Variants in ADCY10 observed in about 807,000 individuals in gnomAD.
ADCY10 encodes adenylate cyclase 10, also known as adenylate cyclase type 10.
In ADCY10, 156 loss-of-function variants were observed where a neutral mutation model predicts 183.3. The ratio of observed to expected loss-of-function variants is 0.85; its 90% CI spans 0.75 to 0.97. The LOEUF is 0.97. Among genes scored for constraint, ADCY10 ranks in the 50% least tolerant of loss-of-function variants. ADCY10 has a pLI of 0.00. For missense variants in ADCY10, 1,745 were observed against 1,934.3 expected, an observed-to-expected ratio of 0.90 and a Z score of 1.84; for synonymous variants, 645 against 670.0, an observed-to-expected ratio of 0.96 and a Z score of 0.58.
chr1:167,884,480 G>A (rs1668083587), intron 8 of ADCY10, among the ~76,000 whole-genome samples: 1 of 152,082 alleles, frequency 6.6e-6, no homozygotes, highest in Admixed American at 6.6e-5. Flanking sequence ...TTCAACATGA[G>A]ATTTGGGAGG....
At position 167,837,234 on chromosome 1, in the gene ADCY10, G is replaced by A; in HGVS notation, c.3077+15C>T. 2 of 1,596,848 alleles carry A rather than the reference G, an allele frequency of 1.3e-6. No individual in the cohort carries two copies. The highest frequency in any genetic ancestry group is 1.7e-4 in the Middle Eastern group (1 of 6,032). On this transcript the variant is annotated intron_variant, in intron 22 of 32. Transcript: ENST00000367851. ...ATTTATGCTCTACTTCCTAAACAAT[G>A]ATATATGCCTCTACCTGCGATTTTC...
chr1:167,862,510 G>A (rs1666357589), intron 14 of ADCY10, among the ~76,000 whole-genome samples: 1 of 152,132 alleles, frequency 6.6e-6, no homozygotes, highest in African/African-American at 2.4e-5. Flanking sequence ...ATGGTCCAGA[G>A]AAGAAAAGAT....
chr1:167,905,119 A>T lies in ADCY10; in HGVS notation c.22T>A (p.Phe8Ile), dbSNP rs749029890. 1.2e-6 allele frequency: 2 copies of T among 1,614,202 alleles called. No individual in the cohort carries two copies. Among genetic ancestry groups the T allele is most frequent in the South Asian group, 2.2e-5 (2 of 91,084 alleles). Residue 8 changes from phenylalanine to isoleucine, a missense_variant, in exon 2 of 33, where the codon TTC (phenylalanine) becomes ATC (isoleucine). Physicochemically the swap from Phe to Ile is conservative, Grantham distance 21. Coordinates refer to ENST00000367851, the MANE Select transcript of ADCY10 (RefSeq NM_018417.6). Reference sequence around the variant, plus strand: ...ATTCTGACTATGGGCCAGTCCTGGAATTCTTCTTTTGGAGTGTTCATGTTC... The same window carrying T: ...ATTCTGACTATGGGCCAGTCCTGGATTTCTTCTTTTGGAGTGTTCATGTTC... MNTPKEE[F>I]QDWPIVRIAA...
chr1:167,846,368 G>T, intron 19 of ADCY10, 105 bp from the exon 20 acceptor site: 3 of 1,429,504 alleles, frequency 2.1e-6, no homozygotes, highest in Non-Finnish European at 2.9e-6. Context: ...TACAGTTCTT[G>T]TTGCAAGAAA....
At chr1:167,853,930 C>T (rs1665692679) in intron 18 of ADCY10, among the ~76,000 whole-genome samples, 2 of 148,706 alleles carry the variant, frequency 1.3e-5, no homozygotes, top group African/African-American at 5.0e-5. Context: ...CCTCCACCTC[C>T]CAGGCTCAAG....
At chr1:167,840,410 G>A (rs772169260) in intron 21 of ADCY10, among the ~76,000 whole-genome samples, 25 of 149,542 alleles carry the variant, frequency 1.7e-4, no homozygotes, top group African/African-American at 3.2e-4. Flanking sequence ...AGGCTGGAGC[G>A]CAGTGGTGCA....
intron 6 of ADCY10, 27 bp downstream of exon 6, chr1:167,899,396 T>C: frequency 6.2e-7 from 1 of 1,612,284 alleles, no homozygotes; most frequent in Non-Finnish European, 8.5e-7. Flanking sequence ...TGGCAGAACT[T>C]TCTGTAAGTA....
chr1:167,826,030 G>A (rs568766936), intron 26 of ADCY10, among the ~76,000 whole-genome samples: 3 of 152,240 alleles, frequency 2.0e-5, no homozygotes, highest in Non-Finnish European at 4.4e-5. Flanking sequence ...TATTGGGGTC[G>A]GGGAAGTGTT....
intron 30 of ADCY10, chr1:167,820,093 T>C: frequency 6.4e-7 from 1 of 1,571,750 alleles, no homozygotes; most frequent in East Asian, 2.3e-5. Context: ...TGGCTATGGT[T>C]GTCCTGACAT....
rs895436386 is a variant in ADCY10, at chr1:167,914,055, G to A, written c.-138C>T. 1 of 152,298 alleles carries A rather than the reference G, an allele frequency of 6.6e-6. No individual in the cohort carries two copies. Among genetic ancestry groups the A allele is most frequent in the Non-Finnish European group, 1.5e-5 (1 of 68,108 alleles). 9.4% of individuals were successfully genotyped at this position (152,298 alleles called of 1,614,324 possible). A position where few individuals can be genotyped will look rare whatever the true frequency, so the allele number is the denominator to read the frequency against. On this transcript the variant is annotated 5_prime_UTR_variant, in exon 1 of 33. Coordinates refer to ENST00000367851, the MANE Select transcript of ADCY10 (RefSeq NM_018417.6). ...TTTAAGACTGCAGAAGACAGGAGAG[G>A]AGGCCGGGTGACATTATTCTGAAGA...
intron 25 of ADCY10, 35 bp from the exon 26 acceptor site, chr1:167,829,458 AG>A (rs761488397): frequency 6.2e-7 from 1 of 1,613,300 alleles, no homozygotes; most frequent in Non-Finnish European, 8.5e-7. Context: ...GGAACATGAA[AG>A]GTATCATCAT....
chr1:167,874,998 T>G, intron 13 of ADCY10, 133 bp downstream of exon 13: 1 of 845,406 alleles, frequency 1.2e-6, no homozygotes, highest in Non-Finnish European at 2.0e-6. Flanking sequence ...ATTTTTCTAT[T>G]TCTTAACCTG....
chr1:167,819,381 G>A (rs139740695), intron 30 of ADCY10, among the ~76,000 whole-genome samples: 7 of 151,494 alleles, frequency 4.6e-5, no homozygotes, highest in African/African-American at 1.7e-4. Flanking sequence ...GGGATTACAG[G>A]CGCCTGCCAT....
chr1:167,830,609 G>C (rs1663649873), intron 25 of ADCY10, among the ~76,000 whole-genome samples: 1 of 152,130 alleles, frequency 6.6e-6, no homozygotes, highest in Non-Finnish European at 1.5e-5. Context: ...GGCCAGGCTG[G>C]TCCTGAACCC....
rs1341409648 is a variant in ADCY10, at chr1:167,833,220, T to C, written c.3418-58A>G. On this transcript the variant is annotated intron_variant, in intron 24 of 32. Coordinates refer to ENST00000367851, the MANE Select transcript of ADCY10 (RefSeq NM_018417.6). ...AGGAAAACGATGATTCTAACTTAAT[T>C]AGTAGGTCCCAACAATCCATATTTT... 6.7e-6 allele frequency: 10 copies of C among 1,492,676 alleles called. No homozygotes were observed. In the Admixed American group the frequency reaches 1.5e-4, roughly 22 times the overall value. 92.5% of individuals were successfully genotyped at this position (1,492,676 alleles called of 1,614,324 possible).
chr1:167,843,051 CTGA>C (rs1470641585), intron 21 of ADCY10, among the ~76,000 whole-genome samples: 1 of 152,122 alleles, frequency 6.6e-6, no homozygotes, highest in Non-Finnish European at 1.5e-5. Flanking sequence ...GTGAAAAATT[CTGA>C]TAAGAGAAAT....
At chr1:167,835,287 C>A (rs1160469090) in intron 23 of ADCY10, among the ~76,000 whole-genome samples, 1 of 152,152 alleles carries the variant, frequency 6.6e-6, no homozygotes, top group African/African-American at 2.4e-5. Flanking sequence ...TGGCCTTTAC[C>A]CTTCTGTGTC....
chr1:167,902,522 T>G (rs748944206), intron 3 of ADCY10, among the ~76,000 whole-genome samples: 4 of 152,224 alleles, frequency 2.6e-5, no homozygotes, highest in Non-Finnish European at 5.9e-5. Flanking sequence ...AACTTTGTAT[T>G]TTGTTTATTT....
intron 13 of ADCY10, 22 bp from the exon 14 acceptor site, chr1:167,870,432 A>C (rs201609750): frequency 6.3e-7 from 1 of 1,586,658 alleles, no homozygotes; most frequent in South Asian, 1.1e-5. Context: ...AGTTTTAAAA[A>C]AGAGCAAACT....
Sources: gnomAD v4.1 joint callset for allele counts (sites outside exome capture counted in the v4.1 genomes callset) on GRCh38, gnomAD v4.1.1 for gene constraint, MANE v1.5 for transcripts, NCBI Gene and HGNC (gene_info 2026-07-23, HGNC 2026-07-21) for gene names.